DIPK2B: variants seen among roughly 807,000 people sequenced by gnomAD.
DIPK2B encodes UPF0672 protein CXorf36.
In DIPK2B, 15 loss-of-function variants were observed where a neutral mutation model predicts 22.2. The ratio of observed to expected loss-of-function variants is 0.68; its 90% CI spans 0.45 to 1.04. The LOEUF is 1.04. DIPK2B is among the 50% of genes least tolerant of loss of function. DIPK2B has a pLI of 0.00. For missense variants in DIPK2B, 345 were observed against 348.3 expected, an observed-to-expected ratio of 0.99 and a Z score of 0.08; for synonymous variants, 163 against 153.2, an observed-to-expected ratio of 1.06 and a Z score of -0.47.
At chrX:45,157,947 G>T in intron 2 of DIPK2B, 59 bp from the exon 3 acceptor site, 1 of 926,199 alleles carries the variant, frequency 1.1e-6, no homozygotes, top group Non-Finnish European at 1.4e-6. Context: ...AGCTCTTGTG[G>T]GGGGTTAGCA....
rs749210003 is a variant in DIPK2B, at chrX:45,183,834, C to T, written c.498+7917G>A. ...TACCTAACAACTAACGGATTAACCC[C>T]TATAGAGAAAGAAAGCTTTTTATTT... On this transcript the variant is annotated intron_variant, in intron 2 of 4. Transcript: ENST00000398000. Among the ~76,000 whole-genome samples, 162 of 111,597 alleles carry T rather than the reference C, an allele frequency of 1.5e-3. 1 individual carries two copies. Among genetic ancestry groups the T allele is most frequent in the Non-Finnish European group, 2.6e-3 (140 of 53,073 alleles).
rs1427489022 is a variant in DIPK2B, at chrX:45,157,734, G to T, written c.653C>A (p.Ser218Ter). ...LRLLYTLAVN[S>*]HPILLQIFPG... ...GCATACCTGTAGGAGGATGGGGTGC[G>T]AGTTGACAGCCAGCGTGTAGAGCAG... is the stretch of plus-strand genomic sequence containing the variant. The change falls in exon 3 of 5, where the codon TCG becomes TAG. Residue 218 changes from serine to a stop codon, truncating the protein, a stop_gained. Transcript: ENST00000398000. LOFTEE classifies it high-confidence loss of function. The T allele has an allele frequency of 8.3e-7, 1 of 1,197,717 alleles. No homozygotes were observed. The highest frequency in any genetic ancestry group is 1.1e-6 in the Non-Finnish European group (1 of 888,551).
chrX:45,169,463 C>T (rs982305702), intron 2 of DIPK2B, among the ~76,000 whole-genome samples: 2 of 111,582 alleles, frequency 1.8e-5, no homozygotes, highest in Non-Finnish European at 3.8e-5. Context: ...TCATTGTGAC[C>T]TGTAACATAT....
At chrX:45,198,555 G>A (rs912804977) in intron 1 of DIPK2B, among the ~76,000 whole-genome samples, 4 of 111,347 alleles carry the variant, frequency 3.6e-5, no homozygotes, top group Non-Finnish European at 5.7e-5. Context: ...GGACTCTAAC[G>A]GAATGCAAAC....
At chrX:45,173,022 G>C (rs2047092268) in intron 2 of DIPK2B, among the ~76,000 whole-genome samples, 1 of 111,569 alleles carries the variant, frequency 9.0e-6, no homozygotes, top group African/African-American at 3.3e-5. Context: ...GCGCTGCCAG[G>C]CTTCTAGTTC....
At chrX:45,171,169 A>G (rs952057997) in intron 2 of DIPK2B, among the ~76,000 whole-genome samples, 1 of 110,938 alleles carries the variant, frequency 9.0e-6, no homozygotes, top group African/African-American at 3.3e-5. Flanking sequence ...GGAACCCTGG[A>G]CATCATCGGG....
chrX:45,173,790 C>T (rs918357915), intron 2 of DIPK2B, among the ~76,000 whole-genome samples: 7 of 109,866 alleles, frequency 6.4e-5, no homozygotes, highest in South Asian at 7.8e-4. Flanking sequence ...AGGCTGGTCT[C>T]GAACTCCTGA....
Position 45,200,637 on chromosome X carries a change from T to A in DIPK2B, c.190A>T (p.Ile64Phe), listed in dbSNP as rs376907214. 1.7e-5 allele frequency: 21 copies of A among 1,211,441 alleles called. No homozygotes were observed. Among genetic ancestry groups the A allele is most frequent in the Non-Finnish European group, 2.3e-5 (21 of 895,491 alleles). ...FLGLDKCNAC[I>F]GTSICKKFFK... ...AACTTCTTGCAAATAGATGTCCCGA[T>A]GCAGGCATTGCATTTATCAAGACCG... Residue 64 changes from isoleucine (I) to phenylalanine (F), a missense_variant, in exon 1 of 5, where the codon ATC becomes TTC. Transcript: ENST00000398000.
intron 2 of DIPK2B, among the ~76,000 whole-genome samples, chrX:45,177,540 G>A (rs1388289590): frequency 1.8e-5 from 2 of 109,783 alleles, no homozygotes; most frequent in African/African-American, 6.6e-5. Flanking sequence ...CCCTGCTACT[G>A]CCTCCCCTTC....
chrX:45,173,035 C>A (rs868431382), intron 2 of DIPK2B, among the ~76,000 whole-genome samples: 10 of 111,497 alleles, frequency 9.0e-5, no homozygotes, highest in South Asian at 7.5e-4. Flanking sequence ...TCTAGTTCCC[C>A]CTAGCCCTTC....
intron 2 of DIPK2B, among the ~76,000 whole-genome samples, chrX:45,166,202 C>T (rs1405935816): frequency 9.0e-6 from 1 of 111,427 alleles, no homozygotes; most frequent in Admixed American, 9.5e-5. Context: ...GATTGGGGGC[C>T]CATGAAACAG....
intron 3 of DIPK2B, 125 bp from the exon 4 acceptor site, chrX:45,154,323 C>A: frequency 1.7e-6 from 1 of 593,582 alleles, no homozygotes; most frequent in Non-Finnish European, 2.5e-6. Flanking sequence ...ATCTATCTGT[C>A]TATCTATATC....
chrX:45,180,023 G>A (rs2047141042), intron 2 of DIPK2B, among the ~76,000 whole-genome samples: 1 of 111,514 alleles, frequency 9.0e-6, no homozygotes, highest in Non-Finnish European at 1.9e-5. Context: ...CCCAGAAAGA[G>A]TGTGTGAGCA....
intron 2 of DIPK2B, among the ~76,000 whole-genome samples, chrX:45,187,165 G>C (rs1317753641): frequency 1.8e-5 from 2 of 111,764 alleles, no homozygotes; most frequent in Non-Finnish European, 3.8e-5. Context: ...ATGTCAGATC[G>C]GATCGTAGTT....
Position 45,160,208 on chromosome X carries a change from C to CT in DIPK2B, c.499-2321dup, listed in dbSNP as rs1419695067. ...ATAAATTACCCAGTCTCAGGTAGAT[C>CT]TTTTTTTTTTTTTAATGAGACAAAG... On this transcript the variant is annotated intron_variant, in intron 2 of 4. Coordinates refer to ENST00000398000, the MANE Select transcript of DIPK2B (RefSeq NM_176819.4). Among the ~76,000 whole-genome samples the CT allele has an allele frequency of 4.1e-3, 409 of 99,925 alleles. 3 individuals are homozygous for CT. Among genetic ancestry groups the CT allele is most frequent in the Non-Finnish European group, 6.0e-3 (298 of 49,263 alleles). The allele number at this position is 99,925 out of a possible 115,157, so 86.8% of individuals were successfully genotyped here. A position where few individuals can be genotyped will look rare whatever the true frequency, so the allele number is the denominator to read the frequency against.
At chrX:45,170,844 C>T (rs1395391123) in intron 2 of DIPK2B, among the ~76,000 whole-genome samples, 1 of 112,486 alleles carries the variant, frequency 8.9e-6, no homozygotes, top group Non-Finnish European at 1.9e-5. Flanking sequence ...TGCTTGCCTG[C>T]TCTGTTTCAG....
chrX:45,153,496 G>A (rs1299657400), intron 4 of DIPK2B, among the ~76,000 whole-genome samples: 1 of 104,916 alleles, frequency 9.5e-6, no homozygotes, highest in African/African-American at 3.5e-5. Flanking sequence ...GTGTGTGTGT[G>A]TGTGTGTGTG....
In DIPK2B at chrX:45,149,495, T is replaced by C. The variant is rs2046949623; in HGVS notation, c.*2157A>G. 1 of 113,189 alleles carries C rather than the reference T, an allele frequency of 8.8e-6. No homozygotes were observed. Among genetic ancestry groups the C allele is most frequent in the Non-Finnish European group, 1.9e-5 (1 of 53,369 alleles). The allele number at this position is 113,189 out of a possible 1,213,427, so 9.3% of individuals were successfully genotyped here. ...CACTGTCATGGTTGCCCTGGGGCAATGCCCGTAGCAGTCAAGAGACAAACC... is the reference window on the plus strand; with the variant it reads ...CACTGTCATGGTTGCCCTGGGGCAACGCCCGTAGCAGTCAAGAGACAAACC... On this transcript the variant is annotated 3_prime_UTR_variant, in exon 5 of 5. Coordinates refer to ENST00000398000, the MANE Select transcript of DIPK2B (RefSeq NM_176819.4).
At chrX:45,184,387 G>A (rs1205659702) in intron 2 of DIPK2B, among the ~76,000 whole-genome samples, 1 of 111,960 alleles carries the variant, frequency 8.9e-6, no homozygotes, top group Non-Finnish European at 1.9e-5. Context: ...CAGAAAGGAT[G>A]CAAATATGTT....
Sources: allele counts gnomAD v4.1 joint callset (sites outside exome capture counted in the v4.1 genomes callset), GRCh38; gene constraint gnomAD v4.1.1; transcripts MANE v1.5; gene names NCBI Gene and HGNC (gene_info 2026-07-23, HGNC 2026-07-21).